NUCB1: variants seen among roughly 807,000 people sequenced by gnomAD.
NUCB1 encodes nucleobindin 1, also known as nucleobindin-1.
NUCB1 carries 47 observed loss-of-function variants against 61.2 expected under a neutral mutation model. The observed-to-expected ratio is 0.77, with a 90% CI of 0.61 to 0.98. NUCB1 has a LOEUF of 0.98. Ranked by LOEUF, NUCB1 falls within the 50% of genes least tolerant of loss-of-function variation. The probability of loss-of-function intolerance (pLI) is 0.00; values close to 1 mark genes in which losing one functional copy is unlikely to be tolerated. For missense variants in NUCB1, 583 were observed against 605.3 expected, an observed-to-expected ratio of 0.96 and a Z score of 0.39; for synonymous variants, 234 against 243.1, an observed-to-expected ratio of 0.96 and a Z score of 0.35.
chr19:48,905,666 G>C (rs1256116525), intron 3 of NUCB1, 87 bp from the exon 4 acceptor site: 1 of 1,517,630 alleles, frequency 6.6e-7, no homozygotes, highest in Non-Finnish European at 9.1e-7. Flanking sequence ...GGCAGTATAA[G>C]ACTGGGGCAT....
chr19:48,908,897 G>A (rs1568584958), intron 4 of NUCB1, among the ~76,000 whole-genome samples: 1 of 152,074 alleles, frequency 6.6e-6, no homozygotes, highest in African/African-American at 2.4e-5. Flanking sequence ...TGTGTTGGCA[G>A]CGTGTGCGCT....
At chr19:48,908,721 GGTGTGTGTGTGTGTGTGTGTGTGT>G (rs57686025) in intron 4 of NUCB1, among the ~76,000 whole-genome samples, 3 of 109,328 alleles carry the variant, frequency 2.7e-5, no homozygotes, top group South Asian at 3.3e-4. Flanking sequence ...TTGACCAAGG[GGTGTGTGTGTGTGTGTGTGTGTGT>G]GTGTGTGTGT....
chr19:48,904,467 G>T lies in NUCB1; in HGVS notation c.243+13G>T. On this transcript the variant is annotated intron_variant, in intron 3 of 12. Transcript: ENST00000405315. Reference sequence around the variant, plus strand: ...GGAGGACATCAAGGTGCGGCTGGGGGAGTGGGGGCTGTGGGAGGGGTACGT... The same window carrying T: ...GGAGGACATCAAGGTGCGGCTGGGGTAGTGGGGGCTGTGGGAGGGGTACGT... The T allele has an allele frequency of 1.3e-6, 2 of 1,577,366 alleles. No homozygotes were observed. The highest frequency in any genetic ancestry group is 1.7e-6 in the Non-Finnish European group (2 of 1,148,892).
chr19:48,911,220 G>A lies in NUCB1; in HGVS notation c.448G>A (p.Glu150Lys), dbSNP rs554668878. ...GGACCCTCAGAACCAGCATACATTC[G>A]AGGCCCGCGACCTGGAGCTGCTGAT... ...HLDPQNQHTF[E>K]ARDLELLIQT... is the part of the protein sequence containing the mutation. The change falls in exon 5 of 13, where the codon GAG (glutamate) becomes AAG (lysine). Residue 150 changes from glutamate to lysine, a missense_variant. Coordinates refer to ENST00000405315, the MANE Select transcript of NUCB1 (RefSeq NM_006184.6). 21 of 1,613,646 alleles carry A rather than the reference G, an allele frequency of 1.3e-5. No individual in the cohort carries two copies. The highest frequency in any genetic ancestry group is 1.8e-5 in the Non-Finnish European group (21 of 1,179,794).
At chr19:48,908,721 G>GGGGGGTGT (rs1555791416) in intron 4 of NUCB1, among the ~76,000 whole-genome samples, 4 of 109,326 alleles carry the variant, frequency 3.7e-5, no homozygotes, top group Admixed American at 2.0e-4. Context: ...TTGACCAAGG[G>GGGGGGTGT]GTGTGTGTGT....
intron 7 of NUCB1, 112 bp from the exon 8 acceptor site, chr19:48,918,614 G>T: frequency 1.2e-6 from 1 of 836,468 alleles, no homozygotes; most frequent in Non-Finnish European, 2.1e-6. Context: ...GAGACCCGTA[G>T]TTACCTGTCC....
chr19:48,902,881 G>A (rs575818139), intron 2 of NUCB1, among the ~76,000 whole-genome samples: 2 of 151,744 alleles, frequency 1.3e-5, no homozygotes, highest in Non-Finnish European at 2.9e-5. Flanking sequence ...GGAGGGGAGA[G>A]GGGGATTATG....
At chr19:48,919,855 G>A (rs1274396877) in intron 10 of NUCB1, among the ~76,000 whole-genome samples, 2 of 141,036 alleles carry the variant, frequency 1.4e-5, no homozygotes, top group African/African-American at 5.3e-5. Flanking sequence ...TGCAACCTCC[G>A]CCTCTTGGAT....
At chr19:48,914,095 C>T (rs1208630391) in intron 7 of NUCB1, among the ~76,000 whole-genome samples, 2 of 151,842 alleles carry the variant, frequency 1.3e-5, no homozygotes, top group African/African-American at 4.8e-5. Context: ...CCTGCCTCAG[C>T]CTCCCGAGTA....
intron 2 of NUCB1, chr19:48,901,184 A>G: frequency 3.3e-6 from 2 of 602,300 alleles, no homozygotes; most frequent in Non-Finnish European, 3.0e-6. Context: ...TCTCCACCCA[A>G]GAAGGAATTT....
At chr19:48,909,539 G>A (rs190984202) in intron 4 of NUCB1, among the ~76,000 whole-genome samples, 247 of 151,570 alleles carry the variant, frequency 1.6e-3, no homozygotes, top group African/African-American at 5.2e-3. Context: ...GAGCCACCGC[G>A]CCCGGCCTAT....
At position 48,922,777 on chromosome 19, in the gene NUCB1, G is replaced by A; in HGVS notation, c.*353G>A. ...GTTCCTAGGTGGCTCGGCCTCAGCT[G>A]CCTGGGTTGTGGCCGCCCTAGCATC... is the stretch of plus-strand genomic sequence containing the variant. On this transcript the variant is annotated 3_prime_UTR_variant, in exon 13 of 13. Transcript: ENST00000405315. 4.3e-6 allele frequency: 1 copy of A among 230,094 alleles called. No homozygotes were observed. The highest frequency in any genetic ancestry group is 5.3e-5 in the Admixed American group (1 of 18,940). The allele number at this position is 230,094 out of a possible 1,614,324, so 14.3% of individuals were successfully genotyped here.
chr19:48,904,806 G>A (rs981241166), intron 3 of NUCB1, among the ~76,000 whole-genome samples: 3 of 152,110 alleles, frequency 2.0e-5, no homozygotes, highest in African/African-American at 7.2e-5. Context: ...ACAGGCATGA[G>A]CCACCATGCC....
intron 7 of NUCB1, 81 bp from the exon 8 acceptor site, chr19:48,918,645 C>G (rs1370372465): frequency 8.6e-7 from 1 of 1,169,276 alleles, no homozygotes; most frequent in East Asian, 2.3e-5. Context: ...GACCCCACAT[C>G]AGCCCAAAAT....
intron 7 of NUCB1, among the ~76,000 whole-genome samples, chr19:48,914,123 G>GCC (rs2037512078): frequency 6.6e-5 from 10 of 151,878 alleles, no homozygotes; most frequent in Non-Finnish European, 1.0e-4. Flanking sequence ...TTACAGGCAT[G>GCC]CACCACCATG....
intron 2 of NUCB1, among the ~76,000 whole-genome samples, chr19:48,902,108 A>G (rs549229863): frequency 4.2e-4 from 64 of 152,238 alleles, no homozygotes; most frequent in African/African-American, 1.5e-3. Flanking sequence ...TCAGGGAGGA[A>G]GGGAGGCGTG....
chr19:48,917,592 G>A (rs188057416), intron 7 of NUCB1, among the ~76,000 whole-genome samples: 1 of 152,248 alleles, frequency 6.6e-6, no homozygotes, highest in Non-Finnish European at 1.5e-5. Context: ...CGCCTCCCAG[G>A]TTCAAGCTAT....
chr19:48,922,499 C>T lies in NUCB1; in HGVS notation c.*75C>T, dbSNP rs2037623222. 2.3e-6 allele frequency: 3 copies of T among 1,294,376 alleles called. No individual in the cohort carries two copies. Among genetic ancestry groups the T allele is most frequent in the South Asian group, 1.2e-5 (1 of 83,460 alleles). The allele number at this position is 1,294,376 out of a possible 1,614,324, so 80.2% of individuals were successfully genotyped here. A position where few individuals can be genotyped will look rare whatever the true frequency, so the allele number is the denominator to read the frequency against. ...TGGGCGCTGGATGAAGTGGCACAGT[C>T]AGCTTCCCTGGGGGCTGGTGTCATG... On this transcript the variant is annotated 3_prime_UTR_variant, in exon 13 of 13. Coordinates refer to ENST00000405315, the MANE Select transcript of NUCB1 (RefSeq NM_006184.6).
intron 11 of NUCB1, 159 bp downstream of exon 11, chr19:48,921,483 C>T (rs1274725395): frequency 8.1e-6 from 7 of 864,734 alleles, no homozygotes; most frequent in African/African-American, 1.7e-5. Flanking sequence ...CAGACGTTTT[C>T]CCGTCTCTGA....
Sources: allele counts gnomAD v4.1 joint callset (sites outside exome capture counted in the v4.1 genomes callset), GRCh38; gene constraint gnomAD v4.1.1; transcripts MANE v1.5; gene names NCBI Gene and HGNC (gene_info 2026-07-23, HGNC 2026-07-21).